Variants in NRG1 observed in about 807,000 individuals in gnomAD.
NRG1 encodes the protein pro-neuregulin-1, membrane-bound isoform.
NRG1 carries 18 observed loss-of-function variants against 63.8 expected under a neutral mutation model. The ratio of observed to expected loss-of-function variants is 0.28; its 90% confidence interval spans 0.19 to 0.42. The LOEUF is 0.42. Among genes scored for constraint, NRG1 ranks in the 10% least tolerant of loss-of-function variants. The pLI is 1.00. For synonymous variants in NRG1, 302 were observed against 301.3 expected, an observed-to-expected ratio of 1.00 and a Z score of -0.02; for missense variants, 762 against 814.7, an observed-to-expected ratio of 0.94 and a Z score of 0.79.
intron 1 of NRG1, among the ~76,000 whole-genome samples, chr8:32,268,251 A>G (rs1475435526): frequency 1.3e-5 from 2 of 152,188 alleles, no homozygotes; most frequent in Admixed American, 6.5e-5. Flanking sequence ...GCTTTATGAG[A>G]TCCTAAGTAA....
intron 1 of NRG1, among the ~76,000 whole-genome samples, chr8:32,374,699 C>A (rs1809393192): frequency 6.6e-6 from 1 of 152,158 alleles, no homozygotes; most frequent in South Asian, 2.1e-4. Context: ...AGACAGTAAT[C>A]CTACTGAGAG....
chr8:32,534,726 A>G (rs1563597059), intron 1 of NRG1, among the ~76,000 whole-genome samples: 1 of 152,192 alleles, frequency 6.6e-6, no homozygotes, highest in Non-Finnish European at 1.5e-5. Flanking sequence ...AGTTTAATCA[A>G]TGTATAAACC....
intron 1 of NRG1, among the ~76,000 whole-genome samples, chr8:32,468,084 A>G (rs766430613): frequency 2.6e-5 from 4 of 152,152 alleles, no homozygotes; most frequent in Non-Finnish European, 4.4e-5. Flanking sequence ...TCTGCCTCCT[A>G]ATCTCTCTGT....
intron 1 of NRG1, among the ~76,000 whole-genome samples, chr8:32,008,453 T>A (rs999467615): frequency 6.6e-5 from 10 of 152,052 alleles, no homozygotes; most frequent in Non-Finnish European, 1.5e-4. Context: ...TGCTTGGAAA[T>A]CAATTCATTG....
At chr8:32,607,116 T>G (rs1201868707) in intron 3 of NRG1, among the ~76,000 whole-genome samples, 1 of 152,114 alleles carries the variant, frequency 6.6e-6, no homozygotes, top group East Asian at 1.9e-4. Context: ...TTTATTACAG[T>G]TTAAAATGTA....
chr8:31,818,113 A>C (rs1383632099), intron 1 of NRG1, among the ~76,000 whole-genome samples: 2 of 152,172 alleles, frequency 1.3e-5, no homozygotes, highest in East Asian at 3.9e-4. Flanking sequence ...CCTCTAAAAA[A>C]AAAGAAAGTA....
At chr8:31,781,650 A>T (rs1023669909) in intron 1 of NRG1, among the ~76,000 whole-genome samples, 1 of 152,174 alleles carries the variant, frequency 6.6e-6, no homozygotes, top group African/African-American at 2.4e-5. Flanking sequence ...GTGGTCTAGA[A>T]TAATTATGAA....
chr8:32,767,041 C>T (rs1312222753), exon 12 of NRG1: 1 of 152,192 alleles, frequency 6.6e-6, no homozygotes, highest in Non-Finnish European at 1.5e-5. Flanking sequence ...GGTCTAAAAT[C>T]GTATCCCACT....
At chr8:31,771,096 A>G (rs1435260080) in intron 1 of NRG1, among the ~76,000 whole-genome samples, 1 of 152,132 alleles carries the variant, frequency 6.6e-6, no homozygotes, top group Non-Finnish European at 1.5e-5. Flanking sequence ...TACAATCAGA[A>G]TGGAGATCTC....
chr8:32,382,150 T>C (rs1810437332), intron 1 of NRG1, among the ~76,000 whole-genome samples: 1 of 152,204 alleles, frequency 6.6e-6, no homozygotes, highest in Admixed American at 6.5e-5. Flanking sequence ...GTGAGTATTA[T>C]GATCATTTCT....
intron 1 of NRG1, among the ~76,000 whole-genome samples, chr8:32,134,879 C>A (rs1045675999): frequency 6.6e-6 from 1 of 152,074 alleles, no homozygotes; most frequent in African/African-American, 2.4e-5. Context: ...GAGACCCTGT[C>A]TCTAAAGAAA....
At chr8:31,923,227 A>G (rs1358350796) in intron 1 of NRG1, among the ~76,000 whole-genome samples, 5 of 152,062 alleles carry the variant, frequency 3.3e-5, no homozygotes, top group Admixed American at 2.6e-4. Flanking sequence ...GTATTGTGTA[A>G]TTGTGTCAGA....
At chr8:31,808,980 T>C (rs1472540891) in intron 1 of NRG1, among the ~76,000 whole-genome samples, 1 of 152,136 alleles carries the variant, frequency 6.6e-6, no homozygotes, top group Non-Finnish European at 1.5e-5. Context: ...TGAGCAGTTA[T>C]ATATCTGAAA....
At chr8:32,430,787 G>GTTTTTTTT (rs35752428) in intron 1 of NRG1, among the ~76,000 whole-genome samples, 8 of 134,152 alleles carry the variant, frequency 6.0e-5, no homozygotes, top group Non-Finnish European at 6.5e-5. Context: ...AATGGTTTGG[G>GTTTTTTTT]TTTTTTTTTT....
intron 5 of NRG1, among the ~76,000 whole-genome samples, chr8:32,673,102 A>G (rs1806136240): frequency 6.6e-6 from 1 of 152,216 alleles, no homozygotes; most frequent in African/African-American, 2.4e-5. Flanking sequence ...CATATCTTTC[A>G]AATGGTTTGG....
rs181774391 is a variant in NRG1, at chr8:32,001,682, C to T, written c.37+362251C>T. On this transcript the variant is annotated intron_variant, in intron 1 of 10. Transcript: ENST00000519301. ...TTAGCTGCAATGTTTTCTCAGACTT[C>T]CTTTGTTTTGGACAGCCTTGTCAAC... is the stretch of plus-strand genomic sequence containing the variant. 3.0e-4 allele frequency among the ~76,000 whole-genome samples: 46 copies of T among 152,070 alleles called. No homozygotes were observed. In the East Asian group the frequency reaches 5.3e-3, roughly 17 times the overall value.
At chr8:32,452,845 C>T (rs1013408917) in intron 1 of NRG1, among the ~76,000 whole-genome samples, 1 of 152,006 alleles carries the variant, frequency 6.6e-6, no homozygotes, top group Non-Finnish European at 1.5e-5. Context: ...ATTTAAATAC[C>T]TTTTAGCTAT....
chr8:32,042,755 T>TAA (rs142622507), intron 1 of NRG1, among the ~76,000 whole-genome samples: 1 of 150,934 alleles, frequency 6.6e-6, no homozygotes, highest in African/African-American at 2.4e-5. Context: ...ATAACTCAAT[T>TAA]AAAAAAAAAC....
At chr8:31,935,762 A>G (rs1057237710) in intron 1 of NRG1, among the ~76,000 whole-genome samples, 15 of 152,292 alleles carry the variant, frequency 9.8e-5, no homozygotes, top group African/African-American at 3.6e-4. Context: ...GGTCACAAGT[A>G]TCCCTGGTCT....
Sources: gnomAD v4.1 joint callset for allele counts (sites outside exome capture counted in the v4.1 genomes callset) on GRCh38, gnomAD v4.1.1 for gene constraint, MANE v1.5 for transcripts, NCBI Gene and HGNC (gene_info 2026-07-23, HGNC 2026-07-21) for gene names.